Variants in SLC2A13 observed in about 807,000 individuals in gnomAD.
The protein encoded by SLC2A13 is solute carrier family 2 member 13, also known as proton myo-inositol cotransporter.
Under a neutral mutation model 64.4 loss-of-function variants are expected in SLC2A13, and 32 were observed. The observed-to-expected ratio is 0.50, with a 90% CI of 0.37 to 0.67. The LOEUF (loss-of-function observed/expected upper bound fraction) is 0.67. Among genes scored for constraint, SLC2A13 ranks in the 30% least tolerant of loss-of-function variants. SLC2A13 has a pLI of 0.00. For synonymous variants in SLC2A13, 338 were observed against 327.1 expected, an observed-to-expected ratio of 1.03 and a Z score of -0.36; for missense variants, 743 against 829.2, an observed-to-expected ratio of 0.90 and a Z score of 1.28.
At chr12:39,964,598 C>A (rs1045282154) in intron 3 of SLC2A13, among the ~76,000 whole-genome samples, 1 of 152,184 alleles carries the variant, frequency 6.6e-6, no homozygotes, top group African/African-American at 2.4e-5. Flanking sequence ...ACTATCTTTA[C>A]CATGTCGGGA....
intron 7 of SLC2A13, among the ~76,000 whole-genome samples, chr12:39,814,229 C>T (rs1282294568): frequency 6.6e-6 from 1 of 152,106 alleles, no homozygotes; most frequent in Admixed American, 6.6e-5. Flanking sequence ...CATTGCTTTA[C>T]CTCCCCAGGA....
intron 6 of SLC2A13, among the ~76,000 whole-genome samples, chr12:39,854,210 C>T (rs1943545529): frequency 1.3e-5 from 2 of 152,074 alleles, no homozygotes; most frequent in Admixed American, 1.3e-4. Context: ...TATAATCCGT[C>T]TGATCCTTAG....
rs1450172421 is a variant in SLC2A13 at position 40,105,238 on chromosome 12, G to T, written c.556+15C>A. 1 of 1,556,612 alleles carries T rather than the reference G, an allele frequency of 6.4e-7. No homozygotes were observed. The highest frequency in any genetic ancestry group is 1.9e-5 in the Admixed American group (1 of 52,816). On this transcript the variant is annotated intron_variant, in intron 1 of 9. Transcript: ENST00000280871. This position sits in a 1 kb window ranked among gnomAD's most constrained non-coding sequence, Gnocchi z 4.2. ...CAATGGGATCCCGGGCGCCCTTCAC[G>T]GAGCCCGAACTCACCGATGCCGAGT... is the stretch of plus-strand genomic sequence containing the variant.
chr12:40,016,254 G>A (rs1947619402), intron 3 of SLC2A13, among the ~76,000 whole-genome samples: 1 of 152,036 alleles, frequency 6.6e-6, no homozygotes, highest in South Asian at 2.1e-4. Flanking sequence ...TTAAGCTTAA[G>A]ACAGAAAAAT....
intron 3 of SLC2A13, among the ~76,000 whole-genome samples, chr12:39,997,876 G>C (rs149306374): frequency 3.4e-4 from 52 of 152,226 alleles, no homozygotes; most frequent in African/African-American, 1.2e-3. Flanking sequence ...AATAGTAGAT[G>C]TTGATGGGGA....
In SLC2A13 at chr12:39,950,998, G is replaced by T. The variant is rs1946219620; in HGVS notation, c.1034+259C>A. The T allele has an allele frequency of 3.2e-5, 13 of 402,256 alleles. 1 individual carries two copies. The East Asian group carries it at 4.7e-4, about 15-fold the overall frequency. The allele number at this position is 402,256 out of a possible 1,614,324, so 24.9% of individuals were successfully genotyped here. ...CACATTTAAGCTCAGAATACAAGGA[G>T]GTATTGGATGGCGTAAAAGAGAAAT... On this transcript the variant is annotated intron_variant, in intron 4 of 9. Transcript: ENST00000280871.
At chr12:39,966,152 G>A (rs1318588840) in intron 3 of SLC2A13, among the ~76,000 whole-genome samples, 1 of 151,124 alleles carries the variant, frequency 6.6e-6, no homozygotes, top group East Asian at 1.9e-4. Flanking sequence ...GAGAGAGAGA[G>A]GTGGGGTATG....
rs142845621 is a variant in SLC2A13, at chr12:40,098,100, T to A, written c.556+7153A>T. ...ATGTATATATGCATATATGTGTATT[T>A]ATTTTTATATGTGTGTGTATATATA... On this transcript the variant is annotated intron_variant, in intron 1 of 9. Transcript: ENST00000280871. 3.4e-3 allele frequency among the ~76,000 whole-genome samples: 512 copies of A among 151,824 alleles called. 2 individuals are homozygous for A. Among genetic ancestry groups the A allele is most frequent in the Admixed American group, 5.9e-3 (90 of 15,232 alleles).
At chr12:39,804,678 C>A (rs1482996287) in intron 7 of SLC2A13, among the ~76,000 whole-genome samples, 1 of 152,030 alleles carries the variant, frequency 6.6e-6, no homozygotes, top group African/African-American at 2.4e-5. Flanking sequence ...TGCTGTGTAG[C>A]AACACTAAAC....
At chr12:39,901,571 G>A (rs1945111483) in intron 4 of SLC2A13, among the ~76,000 whole-genome samples, 1 of 125,850 alleles carries the variant, frequency 7.9e-6, no homozygotes, top group South Asian at 3.0e-4. Flanking sequence ...CATTTATGCA[G>A]CCAAAAAACA....
chr12:40,007,723 T>A (rs1021966861), intron 3 of SLC2A13, among the ~76,000 whole-genome samples: 2 of 152,148 alleles, frequency 1.3e-5, no homozygotes, highest in Non-Finnish European at 2.9e-5. Context: ...TTTACAACTA[T>A]AAAATGATAA....
intron 6 of SLC2A13, among the ~76,000 whole-genome samples, chr12:39,833,467 G>GGAAC (rs1462982012): frequency 2.0e-5 from 3 of 151,746 alleles, no homozygotes; most frequent in African/African-American, 7.3e-5. Context: ...CCCTCTCTAT[G>GGAAC]GAACCTTCAT....
At chr12:40,092,036 T>C (rs1938786675) in intron 1 of SLC2A13, among the ~76,000 whole-genome samples, 2 of 152,186 alleles carry the variant, frequency 1.3e-5, no homozygotes, top group South Asian at 4.1e-4. Flanking sequence ...GTCTTACATA[T>C]TTTTCTATTA....
chr12:39,818,534 G>A (rs1179274552), intron 7 of SLC2A13, among the ~76,000 whole-genome samples: 1 of 152,120 alleles, frequency 6.6e-6, no homozygotes, highest in African/African-American at 2.4e-5. Flanking sequence ...AATTACGTAA[G>A]TTTATAAGTT....
At chr12:40,038,976 AT>A (rs142870899) in intron 2 of SLC2A13, among the ~76,000 whole-genome samples, 2 of 152,040 alleles carry the variant, frequency 1.3e-5, no homozygotes, top group Admixed American at 6.6e-5. Context: ...CAATTTGCCC[AT>A]TTTTTTATTG....
chr12:39,880,129 C>T (rs1320979542), intron 4 of SLC2A13, among the ~76,000 whole-genome samples: 1 of 152,158 alleles, frequency 6.6e-6, no homozygotes. Context: ...GTAAGATTCC[C>T]AAGGCCTCCC....
At chr12:40,012,697 G>C (rs1947550338) in intron 3 of SLC2A13, among the ~76,000 whole-genome samples, 1 of 152,158 alleles carries the variant, frequency 6.6e-6, no homozygotes, top group Admixed American at 6.6e-5. Flanking sequence ...ATGTAAATCA[G>C]CAAAGCAATA....
intron 7 of SLC2A13, among the ~76,000 whole-genome samples, chr12:39,811,456 G>C (rs1334850919): frequency 1.3e-5 from 2 of 151,920 alleles, no homozygotes; most frequent in East Asian, 3.9e-4. Flanking sequence ...GTATAAGTTT[G>C]CTGTTAAGTA....
intron 4 of SLC2A13, among the ~76,000 whole-genome samples, chr12:39,895,502 A>G: frequency 1.6e-5 from 1 of 60,746 alleles, no homozygotes; most frequent in African/African-American, 6.5e-5. Flanking sequence ...AAAAAAAAAA[A>G]AAAAAAAAAA....
Sources: gnomAD v4.1 joint callset for allele counts (sites outside exome capture counted in the v4.1 genomes callset) on GRCh38, gnomAD v4.1.1 for gene constraint, Gnocchi (gnomAD v3.1) non-coding constraint, MANE v1.5 for transcripts, NCBI Gene and HGNC (gene_info 2026-07-23, HGNC 2026-07-21) for gene names.